Variants in ELP1 observed in about 807,000 individuals in gnomAD.
ELP1 encodes elongator acetyltransferase complex subunit 1.
A neutral mutation model predicts 183.2 loss-of-function variants in ELP1; 131 were observed. The ratio of observed to expected loss-of-function variants is 0.72; its 90% CI spans 0.62 to 0.83. ELP1 has a LOEUF of 0.83. Among genes scored for constraint, ELP1 ranks in the 40% least tolerant of loss-of-function variants. The probability of loss-of-function intolerance (pLI) is 0.00; values close to 1 mark genes in which losing one functional copy is unlikely to be tolerated. For missense variants in ELP1, 1,550 were observed against 1,594.9 expected (o/e 0.97, Z 0.48); for synonymous variants, 555 against 569.0 (o/e 0.98, Z 0.35).
intron 20 of ELP1, 56 bp downstream of exon 20, chr9:108,899,766 T>G: frequency 7.5e-7 from 1 of 1,329,732 alleles, no homozygotes; most frequent in South Asian, 1.2e-5. Flanking sequence ...AAATACTTAT[T>G]GTCTTCACAC....
intron 29 of ELP1, among the ~76,000 whole-genome samples, chr9:108,885,586 GA>G (rs1828094815): frequency 6.6e-6 from 1 of 152,106 alleles, no homozygotes; most frequent in Non-Finnish European, 1.5e-5. Flanking sequence ...AACATTTAAA[GA>G]AAAAAATATC....
At chr9:108,924,091 A>G (rs1344169952) in intron 5 of ELP1, among the ~76,000 whole-genome samples, 1 of 152,236 alleles carries the variant, frequency 6.6e-6, no homozygotes, top group African/African-American at 2.4e-5. Context: ...TTCCACAGAA[A>G]GATTAAGGAC....
chr9:108,911,757 C>T (rs538458065), intron 11 of ELP1, among the ~76,000 whole-genome samples: 67 of 152,020 alleles, frequency 4.4e-4, no homozygotes, highest in African/African-American at 1.5e-3. Context: ...CCCACCCCAC[C>T]CCCTAAAAAA....
At chr9:108,888,102 T>A (rs77330577) in intron 29 of ELP1, among the ~76,000 whole-genome samples, 1 of 152,284 alleles carries the variant, frequency 6.6e-6, no homozygotes, top group Non-Finnish European at 1.5e-5. Context: ...AGGAATAAAC[T>A]ACAACATGGA....
chr9:108,922,327 C>T (rs1250983294), intron 6 of ELP1, among the ~76,000 whole-genome samples: 1 of 152,192 alleles, frequency 6.6e-6, no homozygotes, highest in East Asian at 1.9e-4. Flanking sequence ...TCAGGGGCCG[C>T]CCCGCCTACA....
intron 6 of ELP1, among the ~76,000 whole-genome samples, chr9:108,920,358 C>G (rs141666387): frequency 6.6e-6 from 1 of 151,308 alleles, no homozygotes; most frequent in Non-Finnish European, 1.5e-5. Context: ...CTTGGCTCAC[C>G]GCAACCTCTG....
chr9:108,877,461 T>C (rs1376065696), intron 35 of ELP1, among the ~76,000 whole-genome samples: 1 of 151,854 alleles, frequency 6.6e-6, no homozygotes, highest in Non-Finnish European at 1.5e-5. Context: ...TATAAGAGAG[T>C]GAACAGAGGT....
At chr9:108,917,729 A>C in intron 8 of ELP1, 59 bp from the exon 9 acceptor site, 1 of 1,584,018 alleles carries the variant, frequency 6.3e-7, no homozygotes, top group South Asian at 1.1e-5. Context: ...AGAATAGATA[A>C]AATCCAGAAG....
At chr9:108,912,105 G>T (rs148599988) in intron 11 of ELP1, among the ~76,000 whole-genome samples, 159 bp downstream of exon 11, 43 of 152,230 alleles carry the variant, frequency 2.8e-4, no homozygotes, top group African/African-American at 9.9e-4. Context: ...TCTCAGGAGA[G>T]AACATACCCC....
intron 22 of ELP1, among the ~76,000 whole-genome samples, chr9:108,898,102 G>C (rs985546503): frequency 2.6e-5 from 4 of 152,166 alleles, no homozygotes; most frequent in African/African-American, 9.7e-5. Context: ...ATATAAACTG[G>C]CGAATCCAGG....
intron 34 of ELP1, 111 bp downstream of exon 34, chr9:108,878,512 T>G: frequency 7.0e-7 from 1 of 1,432,300 alleles, no homozygotes; most frequent in Non-Finnish European, 9.8e-7. Flanking sequence ...GTTCTCATCT[T>G]TCCTCAAATT....
At chr9:108,897,793 T>C (rs1269981709) in intron 22 of ELP1, among the ~76,000 whole-genome samples, 1 of 152,198 alleles carries the variant, frequency 6.6e-6, no homozygotes, top group African/African-American at 2.4e-5. Context: ...AGCAGCTTTC[T>C]GAAAAGGAGT....
In ELP1 at chr9:108,917,682, C is replaced by T; in HGVS notation, c.741-12G>A. The T allele has an allele frequency of 6.2e-7, 1 of 1,610,474 alleles. No individual in the cohort carries two copies. The highest frequency in any genetic ancestry group is 1.1e-5 in the South Asian group (1 of 91,048). ...AACTGCCTGAGGGTCTTAAAGCAAA[C>T]TCAGAGTGTTACAATATCGAAAGCT... is the stretch of plus-strand genomic sequence containing the variant. On this transcript the variant is annotated splice_polypyrimidine_tract_variant and intron_variant, in intron 8 of 36. Transcript: ENST00000374647.
intron 3 of ELP1, among the ~76,000 whole-genome samples, chr9:108,929,278 G>A (rs532403322): frequency 1.3e-5 from 2 of 152,352 alleles, no homozygotes; most frequent in East Asian, 1.9e-4. Context: ...AGAGAAAGAA[G>A]CAATTGCTTG....
At chr9:108,929,391 T>C (rs1829923555) in intron 3 of ELP1, among the ~76,000 whole-genome samples, 1 of 152,128 alleles carries the variant, frequency 6.6e-6, no homozygotes, top group Admixed American at 6.6e-5. Flanking sequence ...TCAACATTCA[T>C]AACAGAAAAT....
chr9:108,889,033 C>T (rs1828226265), intron 29 of ELP1, among the ~76,000 whole-genome samples: 1 of 152,178 alleles, frequency 6.6e-6, no homozygotes, highest in Non-Finnish European at 1.5e-5. Flanking sequence ...ATTGTTTCTA[C>T]TTTGGCAAAC....
intron 8 of ELP1, 91 bp downstream of exon 8, chr9:108,918,720 T>C: frequency 1.1e-6 from 1 of 895,074 alleles, no homozygotes; most frequent in Non-Finnish European, 1.9e-6. Context: ...TCCTTTTGTG[T>C]TACACAAACA....
chr9:108,901,689 G>T lies in ELP1; in HGVS notation c.1855-8C>A, dbSNP rs1482201616. 6.2e-7 allele frequency: 1 copy of T among 1,613,726 alleles called. No homozygotes were observed. Among genetic ancestry groups the T allele is most frequent in the South Asian group, 1.1e-5 (1 of 91,076 alleles). On this transcript the variant is annotated splice_region_variant and splice_polypyrimidine_tract_variant and intron_variant, in intron 16 of 36. Transcript: ENST00000374647. ...CAGACCAAGGACACATTCCTGCAAAGAAATAAAACTGAAATCACAAGCAAT... is the reference window on the plus strand; with the variant it reads ...CAGACCAAGGACACATTCCTGCAAATAAATAAAACTGAAATCACAAGCAAT...
At chr9:108,896,221 C>T (rs1263675968) in intron 25 of ELP1, among the ~76,000 whole-genome samples, 4 of 152,146 alleles carry the variant, frequency 2.6e-5, no homozygotes, top group Non-Finnish European at 5.9e-5. Context: ...CGCACCACTG[C>T]ACTCCAGCCT....
Sources: gnomAD v4.1 joint callset for allele counts (sites outside exome capture counted in the v4.1 genomes callset) on GRCh38, gnomAD v4.1.1 for gene constraint, MANE v1.5 for transcripts, NCBI Gene and HGNC (gene_info 2026-07-23, HGNC 2026-07-21) for gene names.